The following TANC1 variants were observed in gnomAD, a reference collection of about 807,000 sequenced individuals.
The protein encoded by TANC1 is tetratricopeptide repeat, ankyrin repeat and coiled-coil containing 1.
Under a neutral mutation model 149.7 loss-of-function variants are expected in TANC1, and 77 were observed. That is an observed-to-expected ratio of 0.51 (90% confidence interval 0.43 to 0.62). The LOEUF is 0.62. Among genes scored for constraint, TANC1 ranks in the 20% least tolerant of loss-of-function variants. TANC1 has a pLI of 0.00. For missense variants in TANC1, 1,985 were observed against 2,321.8 expected (o/e 0.85, Z 2.98); for synonymous variants, 854 against 925.0 (o/e 0.92, Z 1.39).
chr2:159,181,924 GGT>G (rs1167682402), intron 14 of TANC1, among the ~76,000 whole-genome samples: 4 of 152,108 alleles, frequency 2.6e-5, no homozygotes, highest in African/African-American at 9.7e-5. Context: ...AGTCTGGCCG[GGT>G]GCGGTGGCTT....
intron 4 of TANC1, among the ~76,000 whole-genome samples, chr2:159,123,364 A>G (rs1574819682): frequency 6.6e-6 from 1 of 152,228 alleles, no homozygotes; most frequent in Middle Eastern, 3.4e-3. Context: ...AGAGAGTGCT[A>G]TTGAGTGAGA....
chr2:159,110,472 G>C (rs2047614157), intron 4 of TANC1, among the ~76,000 whole-genome samples: 1 of 152,170 alleles, frequency 6.6e-6, no homozygotes, highest in Non-Finnish European at 1.5e-5. Context: ...ATCTATGTTT[G>C]GTTTTGTTTC....
chr2:159,204,141 G>C (rs2058446820), intron 19 of TANC1, among the ~76,000 whole-genome samples: 1 of 152,202 alleles, frequency 6.6e-6, no homozygotes, highest in African/African-American at 2.4e-5. Flanking sequence ...GGACAGTGCA[G>C]GTATAGCCTG....
At chr2:159,209,340 A>G (rs2058834702) in intron 19 of TANC1, among the ~76,000 whole-genome samples, 1 of 152,224 alleles carries the variant, frequency 6.6e-6, no homozygotes, top group Non-Finnish European at 1.5e-5. Flanking sequence ...TAGCTCTTGG[A>G]AAGTATGTTC....
chr2:159,186,580 T>C (rs1356471067), intron 15 of TANC1, among the ~76,000 whole-genome samples: 1 of 152,064 alleles, frequency 6.6e-6, no homozygotes, highest in Non-Finnish European at 1.5e-5. Flanking sequence ...GAGGTGGAGG[T>C]TGAAGTGAGT....
At chr2:159,057,898 A>G (rs747957018) in intron 2 of TANC1, among the ~76,000 whole-genome samples, 3 of 152,224 alleles carry the variant, frequency 2.0e-5, no homozygotes, top group Non-Finnish European at 4.4e-5. Flanking sequence ...CTATGTAAAT[A>G]CCTGGATGAT....
intron 2 of TANC1, among the ~76,000 whole-genome samples, chr2:159,050,922 AAG>A (rs1412847102): frequency 2.0e-5 from 3 of 152,212 alleles, no homozygotes; most frequent in Non-Finnish European, 4.4e-5. Flanking sequence ...GAGAAGGCAA[AAG>A]AGAGTTGGCT....
At chr2:159,132,260 T>A (rs183849416) in intron 4 of TANC1, among the ~76,000 whole-genome samples, 1 of 152,356 alleles carries the variant, frequency 6.6e-6, no homozygotes, top group East Asian at 1.9e-4. Context: ...TTGCCTTGTG[T>A]GACCACTGAA....
At chr2:159,139,595 G>T (rs1398090058) in intron 5 of TANC1, among the ~76,000 whole-genome samples, 2 of 152,190 alleles carry the variant, frequency 1.3e-5, no homozygotes, top group South Asian at 4.1e-4. Context: ...ATTTAGGTTT[G>T]CATTAATATA....
At position 159,093,303 on chromosome 2, in the gene TANC1, T is replaced by C. The variant is rs185325566; in HGVS notation, c.62-4334T>C. On this transcript the variant is annotated intron_variant, in intron 3 of 26. Transcript: ENST00000263635. ...GTATCTATTCAAGGGTTAAGAAATATGCCAGCTGTGCTGGTTGTTGCAGTG... is the reference window on the plus strand; with the variant it reads ...GTATCTATTCAAGGGTTAAGAAATACGCCAGCTGTGCTGGTTGTTGCAGTG... Among the ~76,000 whole-genome samples, 149 of 152,358 alleles carry C rather than the reference T, an allele frequency of 9.8e-4. 1 individual carries two copies. The Middle Eastern group carries it at 0.017, about 17-fold the overall frequency.
At chr2:159,051,653 G>GTA (rs370594222) in intron 2 of TANC1, among the ~76,000 whole-genome samples, 13,254 of 64,928 alleles carry the variant, frequency 0.2, 601 homozygotes, top group Non-Finnish European at 0.22. Flanking sequence ...AGTGGTGTTT[G>GTA]TGTGTGTGTG....
intron 24 of TANC1, chr2:159,226,043 G>T (rs2150978950): frequency 2.3e-6 from 1 of 427,394 alleles, no homozygotes; most frequent in East Asian, 5.2e-5. Flanking sequence ...TCAGCCAGGT[G>T]CCTGTAATCC....
intron 2 of TANC1, among the ~76,000 whole-genome samples, chr2:159,055,805 A>G (rs2041805637): frequency 6.6e-6 from 1 of 152,198 alleles, no homozygotes; most frequent in Non-Finnish European, 1.5e-5. Flanking sequence ...CAGATCCTGC[A>G]TTCTCTGGAC....
chr2:159,093,226 C>T, intron 3 of TANC1, among the ~76,000 whole-genome samples: 1 of 152,172 alleles, frequency 6.6e-6, no homozygotes, highest in East Asian at 1.9e-4. Flanking sequence ...AATGTGCTTC[C>T]CATCACTTAA....
intron 2 of TANC1, among the ~76,000 whole-genome samples, chr2:159,043,719 T>C (rs1325914763): frequency 6.6e-6 from 1 of 152,190 alleles, no homozygotes; most frequent in Non-Finnish European, 1.5e-5. Flanking sequence ...ACAGTTTAAG[T>C]ACAGTTGTCA....
At position 159,227,909 on chromosome 2, in the gene TANC1, A is replaced by G. The variant is rs1440542548; in HGVS notation, c.3994A>G (p.Asn1332Asp). The G allele has an allele frequency of 6.2e-7, 1 of 1,614,056 alleles. No homozygotes were observed. The highest frequency in any genetic ancestry group is 8.5e-7 in the Non-Finnish European group (1 of 1,180,040). ...ATTCGGAGAGGACATGAGACCCTTC[A>G]ATGAATTAAGGGTTTCCCTCTATCT... The part of the protein sequence containing the change: ...EGFGEDMRPF[N>D]ELRVSLYLNL... Residue 1332 changes from asparagine (N) to aspartate (D), a missense_variant, in exon 25 of 27, where the codon AAT (asparagine) becomes GAT (aspartate). By Grantham distance (23) the Asn-to-Asp change is conservative. Coordinates refer to ENST00000263635, the MANE Select transcript of TANC1 (RefSeq NM_033394.3).
chr2:159,098,489 C>T (rs138676970), intron 4 of TANC1, among the ~76,000 whole-genome samples: 5 of 152,254 alleles, frequency 3.3e-5, no homozygotes, highest in South Asian at 2.1e-4. Flanking sequence ...CAAACTCATA[C>T]GTGGTGTGTT....
In TANC1 at chr2:159,232,026, A is replaced by T. The variant is rs2060350607; in HGVS notation, c.*1014A>T. The T allele has an allele frequency of 6.5e-6, 1 of 152,684 alleles. No homozygotes were observed. Among genetic ancestry groups the T allele is most frequent in the Non-Finnish European group, 1.5e-5 (1 of 68,046 alleles). 9.5% of individuals were successfully genotyped at this position (152,684 alleles called of 1,614,324 possible). A position where few individuals can be genotyped will look rare whatever the true frequency, so the allele number is the denominator to read the frequency against. On this transcript the variant is annotated 3_prime_UTR_variant, in exon 27 of 27. Coordinates refer to ENST00000263635, the MANE Select transcript of TANC1 (RefSeq NM_033394.3). Reference sequence around the variant, plus strand: ...CAATGTAGTTAATCTAAAAACAAAAAAGAAAACCCCAGTCACGATTTGCAT... The same window carrying T: ...CAATGTAGTTAATCTAAAAACAAAATAGAAAACCCCAGTCACGATTTGCAT...
chr2:159,023,861 G>A (rs1316903403), intron 2 of TANC1, among the ~76,000 whole-genome samples: 1 of 151,794 alleles, frequency 6.6e-6, no homozygotes, highest in African/African-American at 2.4e-5. Context: ...CCAGCTACTC[G>A]AGAGGCTGAG....
Sources: gnomAD v4.1 joint callset for allele counts (sites outside exome capture counted in the v4.1 genomes callset) on GRCh38, gnomAD v4.1.1 for gene constraint, MANE v1.5 for transcripts, NCBI Gene and HGNC (gene_info 2026-07-23, HGNC 2026-07-21) for gene names.